The following RAB11FIP3 variants were observed in gnomAD, a reference collection of about 807,000 sequenced individuals.
The protein encoded by RAB11FIP3 is rab11 family-interacting protein 3.
In RAB11FIP3, 17 loss-of-function variants were observed where a neutral mutation model predicts 77.8. That is an observed-to-expected ratio of 0.22 (90% CI 0.15 to 0.33). The LOEUF (loss-of-function observed/expected upper bound fraction) is 0.33. Among genes scored for constraint, RAB11FIP3 ranks in the 10% least tolerant of loss-of-function variants. The probability of loss-of-function intolerance (pLI) is 1.00; values close to 1 mark genes in which losing one functional copy is unlikely to be tolerated. For missense variants in RAB11FIP3, 1,005 were observed against 1,011.2 expected (o/e 0.99, Z 0.08); for synonymous variants, 437 against 448.2 (o/e 0.98, Z 0.31).
At chr16:458,206 C>T (rs1309721418) in intron 1 of RAB11FIP3, among the ~76,000 whole-genome samples, 2 of 152,362 alleles carry the variant, frequency 1.3e-5, no homozygotes, top group Admixed American at 1.3e-4. Flanking sequence ...CTCTGGTGCC[C>T]TGTGTGCTTC....
intron 1 of RAB11FIP3, among the ~76,000 whole-genome samples, chr16:448,381 A>G (rs565059291): frequency 1.9e-4 from 29 of 152,050 alleles, no homozygotes; most frequent in African/African-American, 5.5e-4. Context: ...AGGTGGGCAG[A>G]TCACCTGAGG....
At chr16:453,987 CTT>C (rs2055454411) in intron 1 of RAB11FIP3, among the ~76,000 whole-genome samples, 1 of 152,170 alleles carries the variant, frequency 6.6e-6, no homozygotes, top group Non-Finnish European at 1.5e-5. Context: ...GCCTACCTGT[CTT>C]TCTTCCAAAT....
intron 9 of RAB11FIP3, among the ~76,000 whole-genome samples, chr16:515,419 A>G (rs1053586038): frequency 6.6e-6 from 1 of 152,200 alleles, no homozygotes; most frequent in Non-Finnish European, 1.5e-5. Flanking sequence ...ACACACTCCT[A>G]ACGCAAACAA....
chr16:440,106 G>A (rs1323781809), intron 1 of RAB11FIP3, among the ~76,000 whole-genome samples: 2 of 152,072 alleles, frequency 1.3e-5, no homozygotes, highest in African/African-American at 4.8e-5. Flanking sequence ...GCCTCCCAAA[G>A]TGCTGGGATT....
intron 1 of RAB11FIP3, among the ~76,000 whole-genome samples, chr16:443,686 C>T (rs978772921): frequency 1.3e-5 from 2 of 152,152 alleles, no homozygotes; most frequent in African/African-American, 4.8e-5. Context: ...CTGCCTCAGC[C>T]TCCCGAATAG....
Position 426,380 on chromosome 16 carries a change from G to A in RAB11FIP3, c.374G>A (p.Trp125Ter). 1 of 1,576,234 alleles carries A rather than the reference G, an allele frequency of 6.3e-7. No individual in the cohort carries two copies. The highest frequency in any genetic ancestry group is 8.6e-7 in the Non-Finnish European group (1 of 1,163,664). ...CCAGAACTCGACCCGTTGTTCTCCT[G>A]GACTGAGGAGCCCGAGGAGTGTGGC... ...PLPELDPLFSWTEEPEECGPA... is the reference protein window; with the variant it reads ...PLPELDPLFS The change falls in exon 1 of 14, where the codon TGG (tryptophan) becomes TAG (stop). Residue 125 changes from tryptophan to a stop codon, truncating the protein, a stop_gained. Transcript: ENST00000262305. LOFTEE classifies it high-confidence loss of function. This position sits in a 1 kb window ranked among gnomAD's most constrained non-coding sequence, Gnocchi z 5.0.
intron 5 of RAB11FIP3, among the ~76,000 whole-genome samples, chr16:493,728 T>TC (rs1255092656): frequency 6.6e-6 from 1 of 150,472 alleles, no homozygotes; most frequent in African/African-American, 2.5e-5. Context: ...TGCCTCAGCC[T>TC]CCCGAGTAGC....
chr16:511,359 C>A (rs1208216466), intron 9 of RAB11FIP3, among the ~76,000 whole-genome samples: 30 of 106,608 alleles, frequency 2.8e-4, no homozygotes, highest in African/African-American at 3.3e-4. Flanking sequence ...ACGGCCCGCC[C>A]ACCCCAGAAA....
intron 1 of RAB11FIP3, among the ~76,000 whole-genome samples, chr16:444,706 C>T (rs1430495936): frequency 2.0e-5 from 3 of 151,800 alleles, no homozygotes; most frequent in East Asian, 1.9e-4. Flanking sequence ...GGGTTCAGGC[C>T]GGGTGCAGTG....
chr16:510,024 C>T (rs147401892), intron 8 of RAB11FIP3, among the ~76,000 whole-genome samples: 165 of 151,762 alleles, frequency 1.1e-3, no homozygotes, highest in African/African-American at 3.7e-3. Flanking sequence ...ACCTCCACGC[C>T]CCGTCCCGAG....
Position 505,753 on chromosome 16 carries a change from C to A in RAB11FIP3, c.1499+126C>A. On this transcript the variant is annotated intron_variant, in intron 8 of 13. Coordinates refer to ENST00000262305, the MANE Select transcript of RAB11FIP3 (RefSeq NM_014700.4). The surrounding 1 kb of genome is among the most constrained non-coding windows in gnomAD (Gnocchi z 4.0). ...CCACCCGTCCATCCCCGTTGGAAGC[C>A]GGCTGAGGGGGTGGTGCCAGGTGGT... The A allele has an allele frequency of 1.2e-6, 1 of 817,428 alleles. No homozygotes were observed. The highest frequency in any genetic ancestry group is 2.7e-5 in the East Asian group (1 of 36,638). 50.6% of individuals were successfully genotyped at this position (817,428 alleles called of 1,614,324 possible).
intron 5 of RAB11FIP3, among the ~76,000 whole-genome samples, chr16:491,654 G>A (rs1428683291): frequency 2.0e-5 from 3 of 152,248 alleles, no homozygotes; most frequent in Non-Finnish European, 1.5e-5. Flanking sequence ...AGGATTGTCA[G>A]TTTAAATGGA....
chr16:495,837 G>T (rs2031077253), intron 5 of RAB11FIP3, among the ~76,000 whole-genome samples: 1 of 152,120 alleles, frequency 6.6e-6, no homozygotes, highest in African/African-American at 2.4e-5. Context: ...TGCAACCTCT[G>T]CCTCCCGGGT....
intron 6 of RAB11FIP3, 35 bp downstream of exon 6, chr16:496,894 C>T (rs748071906): frequency 6.6e-7 from 1 of 1,517,316 alleles, no homozygotes; most frequent in Non-Finnish European, 9.1e-7. Flanking sequence ...GAAAAACGTT[C>T]TGAAGTGGAT....
At chr16:460,682 G>GT (rs1324942082) in intron 1 of RAB11FIP3, among the ~76,000 whole-genome samples, 1 of 152,184 alleles carries the variant, frequency 6.6e-6, no homozygotes, top group East Asian at 1.9e-4. Flanking sequence ...AATGGGCGGT[G>GT]TGTGCTTATC....
intron 1 of RAB11FIP3, among the ~76,000 whole-genome samples, chr16:443,396 C>T (rs183913572): frequency 2.0e-4 from 30 of 152,264 alleles, no homozygotes; most frequent in African/African-American, 6.7e-4. Context: ...AATAAAAACC[C>T]CATCCAGCAC....
chr16:432,395 A>C (rs1395292625), intron 1 of RAB11FIP3, among the ~76,000 whole-genome samples: 1 of 152,106 alleles, frequency 6.6e-6, no homozygotes, highest in Admixed American at 6.6e-5. Flanking sequence ...AAAAGAAACT[A>C]AAACTAGTAG....
intron 4 of RAB11FIP3, among the ~76,000 whole-genome samples, chr16:488,108 T>C (rs1436107313): frequency 6.6e-6 from 1 of 152,132 alleles, no homozygotes; most frequent in African/African-American, 2.4e-5. Context: ...GGGCCAGGCG[T>C]GGTGGCTCAC....
intron 1 of RAB11FIP3, among the ~76,000 whole-genome samples, chr16:443,673 C>G (rs1235505875): frequency 6.6e-6 from 1 of 152,188 alleles, no homozygotes; most frequent in East Asian, 1.9e-4. Flanking sequence ...TCAAGCGATT[C>G]TCCTGCCTCA....
Sources: gnomAD v4.1 joint callset for allele counts (sites outside exome capture counted in the v4.1 genomes callset) on GRCh38, gnomAD v4.1.1 for gene constraint, Gnocchi (gnomAD v3.1) non-coding constraint, MANE v1.5 for transcripts, NCBI Gene and HGNC (gene_info 2026-07-23, HGNC 2026-07-21) for gene names.